The following ZFHX3 variants were observed in gnomAD, a reference collection of about 807,000 sequenced individuals.
ZFHX3 encodes zinc finger homeobox protein 3.
Under a neutral mutation model 279.1 loss-of-function variants are expected in ZFHX3, and 42 were observed. The ratio of observed to expected loss-of-function variants is 0.15; its 90% CI spans 0.12 to 0.19. The LOEUF (loss-of-function observed/expected upper bound fraction) is 0.19, where lower values mean the gene tolerates loss of function less well. Among genes scored for constraint, ZFHX3 ranks in the 10% least tolerant of loss-of-function variants. The pLI is 1.00. For synonymous variants in ZFHX3, 2,293 were observed against 1,957.8 expected (o/e 1.17, Z -4.52); for missense variants, 4,981 against 4,754.0 (o/e 1.05, Z -1.40).
chr16:72,901,637 T>C (rs954862028), intron 3 of ZFHX3, among the ~76,000 whole-genome samples: 1 of 152,216 alleles, frequency 6.6e-6, no homozygotes. Flanking sequence ...CTTTTTCTCC[T>C]TAAATTCCAT....
At chr16:73,760,194 TG>T (rs572248288) in intron 1 of ZFHX3, among the ~76,000 whole-genome samples, 61 of 152,208 alleles carry the variant, frequency 4.0e-4, no homozygotes, top group African/African-American at 1.4e-3. Flanking sequence ...CTAGAAGAAA[TG>T]GATAAATTCC....
chr16:73,527,617 G>A (rs2019717920), intron 2 of ZFHX3, among the ~76,000 whole-genome samples: 1 of 152,188 alleles, frequency 6.6e-6, no homozygotes, highest in African/African-American at 2.4e-5. Flanking sequence ...TCACTTCTGA[G>A]GCTAAGCTAC....
intron 3 of ZFHX3, among the ~76,000 whole-genome samples, chr16:72,939,094 A>G (rs1450728001): frequency 1.3e-5 from 2 of 152,146 alleles, no homozygotes; most frequent in East Asian, 1.9e-4. Context: ...TCTATCTATA[A>G]TTATTTTAGA....
chr16:72,994,617 C>A (rs891696995), intron 1 of ZFHX3, among the ~76,000 whole-genome samples: 1 of 152,200 alleles, frequency 6.6e-6, no homozygotes, highest in African/African-American at 2.4e-5. Flanking sequence ...AGCAGGCTCC[C>A]CTGCCTCACA....
intron 3 of ZFHX3, among the ~76,000 whole-genome samples, chr16:72,936,152 C>G (rs1229377793): frequency 6.6e-6 from 1 of 152,190 alleles, no homozygotes; most frequent in Non-Finnish European, 1.5e-5. Flanking sequence ...TGCAGAAGCT[C>G]TGCAATGACC....
At chr16:73,545,566 T>C (rs1054209074) in intron 2 of ZFHX3, among the ~76,000 whole-genome samples, 7 of 152,192 alleles carry the variant, frequency 4.6e-5, no homozygotes, top group Admixed American at 2.6e-4. Context: ...TGAAGTTGAA[T>C]TTTTAAAAAG....
chr16:73,759,446 G>A (rs1472192452), intron 1 of ZFHX3, among the ~76,000 whole-genome samples: 1 of 152,150 alleles, frequency 6.6e-6, no homozygotes. Context: ...AGCTGCAAGG[G>A]AAGCTGAGAA....
intron 1 of ZFHX3, among the ~76,000 whole-genome samples, chr16:72,961,539 T>G: frequency 6.6e-6 from 1 of 151,904 alleles, no homozygotes; most frequent in South Asian, 2.1e-4. Flanking sequence ...TGGCTGCTCC[T>G]CCACCCACCA....
chr16:73,288,636 A>G (rs139445648), intron 4 of ZFHX3, among the ~76,000 whole-genome samples: 1 of 152,092 alleles, frequency 6.6e-6, no homozygotes, highest in African/African-American at 2.4e-5. Context: ...AAGCCCTCCT[A>G]TTTGTCGCCC....
chr16:73,308,448 G>C (rs1055965781), intron 4 of ZFHX3, among the ~76,000 whole-genome samples: 1 of 151,386 alleles, frequency 6.6e-6, no homozygotes, highest in Non-Finnish European at 1.5e-5. Flanking sequence ...TCACCACCAT[G>C]CCTGGCTAAT....
At chr16:73,054,553 G>T (rs1291054529) in intron 1 of ZFHX3, among the ~76,000 whole-genome samples, 24 of 151,222 alleles carry the variant, frequency 1.6e-4, no homozygotes, top group Non-Finnish European at 1.5e-5. Context: ...AGCTTTTCTG[G>T]GGTTAAAGGT....
chr16:73,486,912 ATTCT>A (rs775238514), intron 2 of ZFHX3: 31 of 454,030 alleles, frequency 6.8e-5, no homozygotes, highest in Non-Finnish European at 1.3e-4. Flanking sequence ...ACTAAGGCAA[ATTCT>A]TTCCACTGTA....
At chr16:73,096,776 A>G (rs7201751) in intron 7 of ZFHX3, among the ~76,000 whole-genome samples, 2,601 of 152,130 alleles carry the variant, frequency 0.017, 80 homozygotes, top group African/African-American at 0.059. Flanking sequence ...AGAATGGGGC[A>G]TCATGTTAAA....
chr16:73,180,027 G>A (rs188358942), intron 5 of ZFHX3, among the ~76,000 whole-genome samples: 1 of 152,320 alleles, frequency 6.6e-6, no homozygotes, highest in East Asian at 1.9e-4. Flanking sequence ...TATGTCAATA[G>A]AAGGTGATAA....
chr16:73,141,079 G>C (rs910665492), intron 6 of ZFHX3, among the ~76,000 whole-genome samples: 2 of 152,054 alleles, frequency 1.3e-5, no homozygotes, highest in African/African-American at 4.8e-5. Context: ...CTCCCCAGTC[G>C]GGCTGTGAAA....
intron 4 of ZFHX3, among the ~76,000 whole-genome samples, chr16:72,853,326 A>G (rs762332803): frequency 9.2e-5 from 14 of 152,278 alleles, no homozygotes; most frequent in Non-Finnish European, 1.9e-4. Context: ...GAATTGAGCT[A>G]TAAATCTGTG....
At chr16:73,818,236 C>G (rs576721378) in intron 1 of ZFHX3, among the ~76,000 whole-genome samples, 2 of 152,086 alleles carry the variant, frequency 1.3e-5, no homozygotes, top group African/African-American at 2.4e-5. Flanking sequence ...CTACTGCACA[C>G]GCAAAAGCAA....
intron 2 of ZFHX3, among the ~76,000 whole-genome samples, chr16:73,529,854 C>T (rs936661042): frequency 1.7e-4 from 26 of 152,112 alleles, no homozygotes; most frequent in African/African-American, 3.9e-4. Flanking sequence ...TGTGTGATGA[C>T]GCGTAGCAAC....
At chr16:73,756,094 C>T (rs2053806331) in intron 1 of ZFHX3, among the ~76,000 whole-genome samples, 1 of 152,134 alleles carries the variant, frequency 6.6e-6, no homozygotes, top group African/African-American at 2.4e-5. Context: ...TCTGTGATGG[C>T]AGCTTGTTTG....
Sources: allele counts gnomAD v4.1 joint callset (sites outside exome capture counted in the v4.1 genomes callset), GRCh38; gene constraint gnomAD v4.1.1; transcripts MANE v1.5; gene names NCBI Gene and HGNC (gene_info 2026-07-23, HGNC 2026-07-21).